DDX31: variants seen among roughly 807,000 people sequenced by gnomAD.
DDX31 encodes ATP-dependent DNA helicase DDX31.
DDX31 carries 70 observed loss-of-function variants against 91.3 expected under a neutral mutation model. The ratio of observed to expected loss-of-function variants is 0.77; its 90% confidence interval spans 0.63 to 0.94. The LOEUF (loss-of-function observed/expected upper bound fraction) is 0.94. Ranked by LOEUF, DDX31 falls within the 40% of genes least tolerant of loss-of-function variation. The pLI, the probability that DDX31 is intolerant of heterozygous loss-of-function variation, is 0.00. For missense variants in DDX31, 902 were observed against 925.0 expected (o/e 0.98, Z 0.32); for synonymous variants, 362 against 350.6 (o/e 1.03, Z -0.36).
At chr9:132,630,458 TGG>T (rs1398789950) in intron 15 of DDX31, 55 bp from the exon 16 acceptor site, 1 of 1,529,432 alleles carries the variant, frequency 6.5e-7, no homozygotes, top group Admixed American at 1.8e-5. Flanking sequence ...TGCCATTAAT[TGG>T]AAGTGCAATA....
intron 19 of DDX31, among the ~76,000 whole-genome samples, chr9:132,602,897 T>C (rs1830794257): frequency 6.6e-6 from 1 of 152,238 alleles, no homozygotes; most frequent in Non-Finnish European, 1.5e-5. Flanking sequence ...TGTGTTCATA[T>C]ACTTGCTATT....
chr9:132,601,509 G>A (rs370673401), intron 19 of DDX31, among the ~76,000 whole-genome samples: 1 of 152,184 alleles, frequency 6.6e-6, no homozygotes, highest in Non-Finnish European at 1.5e-5. Context: ...TCCATCATGG[G>A]GGCCAGTGCC....
intron 18 of DDX31, among the ~76,000 whole-genome samples, chr9:132,613,836 G>A (rs960224615): frequency 3.3e-5 from 5 of 152,134 alleles, no homozygotes; most frequent in African/African-American, 9.7e-5. Context: ...AAAGATTCTC[G>A]TAGATTGAAT....
At chr9:132,616,010 T>C (rs908107478) in intron 18 of DDX31, among the ~76,000 whole-genome samples, 5 of 152,250 alleles carry the variant, frequency 3.3e-5, no homozygotes, top group Non-Finnish European at 7.3e-5. Context: ...GGAATTTGCA[T>C]ATGCAGATTG....
In DDX31 at chr9:132,595,267, C is replaced by T. The variant is rs377463878; in HGVS notation, c.1995-155G>A. Among the ~76,000 whole-genome samples the T allele has an allele frequency of 2.0e-4, 30 of 152,210 alleles. No homozygotes were observed. Among genetic ancestry groups the T allele is most frequent in the African/African-American group, 7.2e-4 (30 of 41,520 alleles). The stretch of plus-strand genomic sequence containing the variant: ...CTTCAATAGTACTTGTTTTGATATT[C>T]GATGCACCAGAAGATTAGATACGGC... On this transcript the variant is annotated intron_variant, in intron 19 of 19. Transcript: ENST00000372159. This position sits in a 1 kb window ranked among gnomAD's most constrained non-coding sequence, Gnocchi z 4.6.
chr9:132,669,725 A>C, intron 1 of DDX31, 135 bp downstream of exon 1: 1 of 1,532,384 alleles, frequency 6.5e-7, no homozygotes, highest in South Asian at 1.2e-5. Context: ...ACTTGTCCCG[A>C]AGCTGCCCGG....
Position 132,593,259 on chromosome 9 carries a change from A to G in DDX31, c.*1607T>C, listed in dbSNP as rs191255155. On this transcript the variant is annotated 3_prime_UTR_variant, in exon 20 of 20. Transcript: ENST00000372159. ...CCCCCAGGGATGCCGAACTCTGCCAATTCGCCCTTTAGTGGAATGAGTACT... is the reference window on the plus strand; with the variant it reads ...CCCCCAGGGATGCCGAACTCTGCCAGTTCGCCCTTTAGTGGAATGAGTACT... 3 of 152,294 alleles carry G rather than the reference A, an allele frequency of 2.0e-5. No homozygotes were observed. Among genetic ancestry groups the G allele is most frequent in the African/African-American group, 7.2e-5 (3 of 41,556 alleles). The allele number at this position is 152,294 out of a possible 1,614,324, so 9.4% of individuals were successfully genotyped here.
chr9:132,641,951 C>A, intron 14 of DDX31, 53 bp downstream of exon 14: 1 of 1,550,112 alleles, frequency 6.5e-7, no homozygotes, highest in East Asian at 2.2e-5. Context: ...AAAGATTACA[C>A]AGCCATCACA....
intron 12 of DDX31, among the ~76,000 whole-genome samples, 176 bp downstream of exon 12, chr9:132,646,647 T>C (rs1833858301): frequency 6.6e-6 from 1 of 152,204 alleles, no homozygotes; most frequent in Non-Finnish European, 1.5e-5. Context: ...TCTGAGTTTT[T>C]ACCATAATCC....
rs779623127 is a variant in DDX31 at position 132,662,711 on chromosome 9, A to T, written c.76-16T>A. ...CCTTTGCTTGCTGCGTTGTTCCCAG[A>T]AGGAAAGATCAACAAGAGATGCATT... On this transcript the variant is annotated splice_polypyrimidine_tract_variant and intron_variant, in intron 1 of 19. Coordinates refer to ENST00000372159, the MANE Select transcript of DDX31 (RefSeq NM_022779.9). The T allele has an allele frequency of 6.2e-7, 1 of 1,613,692 alleles. No homozygotes were observed. Among genetic ancestry groups the T allele is most frequent in the Non-Finnish European group, 8.5e-7 (1 of 1,179,936 alleles).
intron 13 of DDX31, among the ~76,000 whole-genome samples, chr9:132,645,152 GCTC>G (rs1375259368): frequency 2.6e-5 from 4 of 152,076 alleles, no homozygotes; most frequent in South Asian, 2.1e-4. Flanking sequence ...GGGCAAAATG[GCTC>G]CTATTTCGAG....
intron 19 of DDX31, among the ~76,000 whole-genome samples, chr9:132,608,675 G>GT (rs530834240): frequency 1.8e-4 from 27 of 152,310 alleles, no homozygotes; most frequent in African/African-American, 6.5e-4. Context: ...ATGCAGAATA[G>GT]TTTAGAGAAT....
At chr9:132,604,437 G>A (rs1830896158) in intron 19 of DDX31, among the ~76,000 whole-genome samples, 2 of 152,174 alleles carry the variant, frequency 1.3e-5, no homozygotes, top group African/African-American at 4.8e-5. Flanking sequence ...TATCATCTGT[G>A]CAGCTGGCCC....
intron 19 of DDX31, among the ~76,000 whole-genome samples, chr9:132,600,176 GGTCA>G (rs1022848709): frequency 6.6e-6 from 1 of 152,248 alleles, no homozygotes; most frequent in African/African-American, 2.4e-5. Flanking sequence ...TACCTTTTAT[GGTCA>G]GTGAGGAAAA....
chr9:132,664,655 G>A (rs1034708611), intron 1 of DDX31, among the ~76,000 whole-genome samples: 4 of 147,848 alleles, frequency 2.7e-5, no homozygotes, highest in African/African-American at 7.5e-5. Context: ...GCTGGATTGA[G>A]TCGTGATGAC....
intron 13 of DDX31, among the ~76,000 whole-genome samples, chr9:132,643,233 A>C (rs1413114118): frequency 2.0e-5 from 3 of 152,198 alleles, no homozygotes; most frequent in Non-Finnish European, 4.4e-5. Flanking sequence ...GACTCGCTGG[A>C]CCAAAAGGTG....
rs763590483 is a variant in DDX31 at position 132,638,353 on chromosome 9, T to A, written c.1440+3651A>T. ...AAGGTTCCTTTCCTCTGGCTTAGGGTGAGTTCTTCACTGTAAGTAGGAGGA... is the reference window on the plus strand; with the variant it reads ...AAGGTTCCTTTCCTCTGGCTTAGGGAGAGTTCTTCACTGTAAGTAGGAGGA... On this transcript the variant is annotated intron_variant, in intron 14 of 19. Coordinates refer to ENST00000372159, the MANE Select transcript of DDX31 (RefSeq NM_022779.9). 6.2e-6 allele frequency: 10 copies of A among 1,614,054 alleles called. No homozygotes were observed. In the East Asian group the frequency reaches 2.2e-4, roughly 36 times the overall value.
At chr9:132,627,804 G>A (rs1832488511) in intron 16 of DDX31, among the ~76,000 whole-genome samples, 5 of 152,198 alleles carry the variant, frequency 3.3e-5, no homozygotes, top group Admixed American at 2.6e-4. Flanking sequence ...TGTCGTGCTG[G>A]CCCTTGCTGC....
At chr9:132,637,681 G>C (rs900427902) in intron 14 of DDX31, among the ~76,000 whole-genome samples, 3 of 152,230 alleles carry the variant, frequency 2.0e-5, no homozygotes, top group African/African-American at 7.2e-5. Context: ...GTAATCAGAG[G>C]AGGAAGGAGA....
Sources: gnomAD v4.1 joint callset for allele counts (sites outside exome capture counted in the v4.1 genomes callset) on GRCh38, gnomAD v4.1.1 for gene constraint, Gnocchi (gnomAD v3.1) non-coding constraint, MANE v1.5 for transcripts, NCBI Gene and HGNC (gene_info 2026-07-23, HGNC 2026-07-21) for gene names.